The following UBA6 variants were observed in gnomAD, a reference collection of about 807,000 sequenced individuals.
The protein encoded by UBA6 is ubiquitin like modifier activating enzyme 6.
Under a neutral mutation model 148.3 loss-of-function variants are expected in UBA6, and 87 were observed. The observed-to-expected ratio is 0.59, with a 90% CI of 0.49 to 0.70. The LOEUF is 0.70. Ranked by LOEUF, UBA6 falls within the 30% of genes least tolerant of loss-of-function variation. UBA6 has a pLI of 0.00. For synonymous variants in UBA6, 376 were observed against 401.0 expected (o/e 0.94, Z 0.75); for missense variants, 1,186 against 1,241.2 (o/e 0.96, Z 0.67).
At chr4:67,683,140 CT>C (rs1730480505) in intron 2 of UBA6, among the ~76,000 whole-genome samples, 1 of 152,036 alleles carries the variant, frequency 6.6e-6, no homozygotes, top group Non-Finnish European at 1.5e-5. Context: ...GTACTCAAGA[CT>C]TTTGTTTTAG....
chr4:67,687,946 T>C (rs926247822), intron 2 of UBA6, among the ~76,000 whole-genome samples: 3 of 152,128 alleles, frequency 2.0e-5, no homozygotes, highest in Non-Finnish European at 4.4e-5. Context: ...CTGGCATTTA[T>C]GATGCAGGAA....
intron 4 of UBA6, among the ~76,000 whole-genome samples, chr4:67,679,005 T>C (rs914800989): frequency 6.6e-6 from 1 of 151,960 alleles, no homozygotes; most frequent in Non-Finnish European, 1.5e-5. Context: ...CTGGAAATAA[T>C]CAAAATGCCC....
chr4:67,656,473 T>G (rs955402220), intron 13 of UBA6, among the ~76,000 whole-genome samples: 1 of 152,162 alleles, frequency 6.6e-6, no homozygotes, highest in Non-Finnish European at 1.5e-5. Flanking sequence ...TTCAAAAAAT[T>G]CAACAGCCTT....
In UBA6 at chr4:67,649,159, A is replaced by T; in HGVS notation, c.1157T>A (p.Phe386Tyr). The T allele has an allele frequency of 1.2e-6, 2 of 1,614,006 alleles. No individual in the cohort carries two copies. Among genetic ancestry groups the T allele is most frequent in the Non-Finnish European group, 1.7e-6 (2 of 1,179,950 alleles). The change falls in exon 14 of 33, where the codon TTT (phenylalanine) becomes TAT (tyrosine). Residue 386 changes from phenylalanine (F) to tyrosine (Y), a missense_variant. Coordinates refer to ENST00000322244, the MANE Select transcript of UBA6 (RefSeq NM_018227.6). Reference sequence around the variant, plus strand: ...TACTGCTGCAGCAAGTGGAGATAAAAAGCCTTGGGCAGTCCAAGAGAGCCA... The same window carrying T: ...TACTGCTGCAGCAAGTGGAGATAAATAGCCTTGGGCAGTCCAAGAGAGCCA... ...VHWLSWTAQGFLSPLAAAVGG... is the reference protein window; with the variant it reads ...VHWLSWTAQGYLSPLAAAVGG...
At chr4:67,692,093 G>A (rs967716396) in intron 2 of UBA6, among the ~76,000 whole-genome samples, 4 of 152,072 alleles carry the variant, frequency 2.6e-5, no homozygotes, top group Non-Finnish European at 5.9e-5. Flanking sequence ...TGATTTGTGC[G>A]ATTTTGGTGC....
chr4:67,636,997 C>T (rs1407006720), intron 19 of UBA6, among the ~76,000 whole-genome samples: 2 of 150,826 alleles, frequency 1.3e-5, no homozygotes, highest in Admixed American at 6.6e-5. Flanking sequence ...AGCGCCTCTG[C>T]CCCACCGCCC....
chr4:67,624,131 T>G lies in UBA6; in HGVS notation c.2835A>C (p.Lys945Asn), dbSNP rs1728812147. 6.3e-7 allele frequency: 1 copy of G among 1,584,144 alleles called. No homozygotes were observed. Among genetic ancestry groups the G allele is most frequent in the East Asian group, 2.3e-5 (1 of 44,198 alleles). Residue 945 changes from lysine to asparagine, a missense_variant, in exon 30 of 33, where the codon AAA becomes AAC. By Grantham distance (94) the Lys-to-Asn change is moderately conservative. Transcript: ENST00000322244. ...FTETTEVRKT[K>N]IRNGISFTIW... ...AAATAGACTTTCATACATACCTGAT[T>G]TTAGTTTTCCTTACTTCAGTTGTCT...
chr4:67,700,765 A>C (rs1037169247), intron 1 of UBA6, among the ~76,000 whole-genome samples: 1 of 152,050 alleles, frequency 6.6e-6, no homozygotes, highest in African/African-American at 2.4e-5. Flanking sequence ...GGAGCCCCCC[A>C]AGTCTGGTGA....
chr4:67,675,973 T>A lies in UBA6; in HGVS notation c.465+1638A>T, dbSNP rs541233131. ...CTCTAGATTTGTTTAATTTTGTTTTTGTCTGGCACTTTAGGGTATGGCCAT... is the reference window on the plus strand; with the variant it reads ...CTCTAGATTTGTTTAATTTTGTTTTAGTCTGGCACTTTAGGGTATGGCCAT... On this transcript the variant is annotated intron_variant, in intron 6 of 32. Coordinates refer to ENST00000322244, the MANE Select transcript of UBA6 (RefSeq NM_018227.6). Among the ~76,000 whole-genome samples the A allele has an allele frequency of 2.8e-4, 42 of 152,104 alleles. No individual in the cohort carries two copies. In the South Asian group the frequency reaches 8.5e-3, roughly 31 times the overall value.
At chr4:67,690,647 C>A (rs1196453654) in intron 2 of UBA6, among the ~76,000 whole-genome samples, 1 of 152,072 alleles carries the variant, frequency 6.6e-6, no homozygotes, top group African/African-American at 2.4e-5. Flanking sequence ...TTGAATAGAT[C>A]TTTCTCCAAA....
At chr4:67,647,728 T>A (rs1729452866) in intron 14 of UBA6, among the ~76,000 whole-genome samples, 1 of 151,648 alleles carries the variant, frequency 6.6e-6, no homozygotes, top group Non-Finnish European at 1.5e-5. Flanking sequence ...TATTTTATTA[T>A]AACACAGAAT....
chr4:67,624,473 T>TA (rs1325911429), intron 29 of UBA6, among the ~76,000 whole-genome samples: 2 of 152,054 alleles, frequency 1.3e-5, no homozygotes, highest in Admixed American at 6.6e-5. Flanking sequence ...AACAGTTATT[T>TA]AAAAAAATAT....
intron 6 of UBA6, among the ~76,000 whole-genome samples, chr4:67,676,479 A>G (rs980034582): frequency 2.6e-5 from 4 of 152,226 alleles, no homozygotes; most frequent in African/African-American, 9.6e-5. Flanking sequence ...AAGAGAAAAC[A>G]AAACAGACAA....
intron 2 of UBA6, 119 bp downstream of exon 2, chr4:67,696,526 C>T (rs896995981): frequency 1.6e-4 from 109 of 683,054 alleles, no homozygotes; most frequent in East Asian, 1.2e-3. Context: ...CATACACACA[C>T]ACACACACAC....
chr4:67,699,433 G>A (rs2109964903), intron 1 of UBA6, among the ~76,000 whole-genome samples: 1 of 152,242 alleles, frequency 6.6e-6, no homozygotes, highest in African/African-American at 2.4e-5. Flanking sequence ...AATGATACCA[G>A]CTTCTAGCTA....
intron 13 of UBA6, chr4:67,661,942 T>C (rs1178704388): frequency 4.7e-6 from 2 of 429,838 alleles, no homozygotes; most frequent in Non-Finnish European, 8.1e-6. Context: ...CAAATATTAA[T>C]TACTATATGT....
intron 25 of UBA6, 113 bp downstream of exon 25, chr4:67,631,595 A>T: frequency 1.3e-6 from 1 of 799,322 alleles, no homozygotes; most frequent in Non-Finnish European, 1.9e-6. Context: ...AACAGGGATG[A>T]AATAATTTAA....
chr4:67,621,583 C>A (rs1728752509), intron 32 of UBA6, among the ~76,000 whole-genome samples: 1 of 152,120 alleles, frequency 6.6e-6, no homozygotes, highest in Non-Finnish European at 1.5e-5. Context: ...CGGGAGAAAT[C>A]ACCTTAGGTC....
Position 67,639,048 on chromosome 4 carries a change from T to C in UBA6, c.1631A>G (p.Lys544Arg). 1 of 1,613,376 alleles carries C rather than the reference T, an allele frequency of 6.2e-7. No homozygotes were observed. The highest frequency in any genetic ancestry group is 1.7e-5 in the Admixed American group (1 of 60,022). ...AATGGTCTCAGTGGTTGGACATACTTTGTTCAGGTGTGCATCTATCTTTAT... is the reference window on the plus strand; with the variant it reads ...AATGGTCTCAGTGGTTGGACATACTCTGTTCAGGTGTGCATCTATCTTTAT... ...SQIKIDAHLN[K>R]VCPTTETIYN... Residue 544 changes from lysine (K) to arginine (R), a missense_variant, in exon 19 of 33, where the codon AAA (lysine) becomes AGA (arginine). By Grantham distance (26) the Lys-to-Arg change is conservative (BLOSUM62 2). Coordinates refer to ENST00000322244, the MANE Select transcript of UBA6 (RefSeq NM_018227.6).
Sources: allele counts gnomAD v4.1 joint callset (sites outside exome capture counted in the v4.1 genomes callset), GRCh38; gene constraint gnomAD v4.1.1; transcripts MANE v1.5; gene names NCBI Gene and HGNC (gene_info 2026-07-23, HGNC 2026-07-21).